The following KANSL1L variants were observed in gnomAD, a reference collection of about 807,000 sequenced individuals.
KANSL1L encodes the protein KAT8 regulatory NSL complex subunit 1-like protein.
In KANSL1L, 25 loss-of-function variants were observed where a neutral mutation model predicts 108.6. The ratio of observed to expected loss-of-function variants is 0.23; its 90% CI spans 0.17 to 0.32. The LOEUF is 0.32. Among genes scored for constraint, KANSL1L ranks in the 10% least tolerant of loss-of-function variants. The pLI is 1.00. For missense variants in KANSL1L, 1,137 were observed against 1,125.7 expected, an observed-to-expected ratio of 1.01 and a Z score of -0.14; for synonymous variants, 405 against 395.1, an observed-to-expected ratio of 1.03 and a Z score of -0.30.
rs181382757 is a variant in KANSL1L, at chr2:210,058,067, C to T, written c.1756-13963G>A. ...AACTCTGACTGCCAGTGAGCCAAGG[C>T]GGAACAGAGCCATATTTCTCTTCTT... On this transcript the variant is annotated intron_variant, in intron 6 of 14. Transcript: ENST00000281772. Among the ~76,000 whole-genome samples the T allele has an allele frequency of 5.4e-4, 82 of 152,298 alleles. 1 individual carries two copies. The East Asian group carries it at 0.013, about 24-fold the overall frequency.
At position 210,122,112 on chromosome 2, in the gene KANSL1L, C is replaced by T. The variant is rs189445524; in HGVS notation, c.1230+6919G>A. Among the ~76,000 whole-genome samples, 172 of 152,156 alleles carry T rather than the reference C, an allele frequency of 1.1e-3. 1 individual carries two copies. The highest frequency in any genetic ancestry group is 9.4e-4 in the Non-Finnish European group (64 of 67,970). Reference sequence around the variant, plus strand: ...TTGTTAAAATATCCATAGTACCCAACGAAATCTACAGATTCAATGCAATCT... The same window carrying T: ...TTGTTAAAATATCCATAGTACCCAATGAAATCTACAGATTCAATGCAATCT... On this transcript the variant is annotated intron_variant, in intron 3 of 14. Coordinates refer to ENST00000281772, the MANE Select transcript of KANSL1L (RefSeq NM_152519.4).
chr2:210,108,991 T>C (rs1008914904), intron 3 of KANSL1L, among the ~76,000 whole-genome samples: 4 of 152,150 alleles, frequency 2.6e-5, no homozygotes, highest in Admixed American at 1.3e-4. Context: ...AAAATGATCA[T>C]GTTGTTTCAC....
rs745728892 is a variant in KANSL1L, at chr2:210,040,322, ATTC to A, written c.2029+95_2029+97del. The A allele has an allele frequency of 1.2e-5, 8 of 680,316 alleles. No individual in the cohort carries two copies. In the African/African-American group the frequency reaches 1.3e-4, roughly 11 times the overall value. The allele number at this position is 680,316 out of a possible 1,614,324, so 42.1% of individuals were successfully genotyped here. A position where few individuals can be genotyped will look rare whatever the true frequency, so the allele number is the denominator to read the frequency against. On this transcript the variant is annotated intron_variant, in intron 8 of 14. Transcript: ENST00000281772. ...TATTAAAAATTAAGGATTTTCATGT[ATTC>A]TTTTCTTAGATTTTATTTTTCTTAG...
intron 6 of KANSL1L, among the ~76,000 whole-genome samples, chr2:210,046,887 A>G (rs1385335831): frequency 6.6e-6 from 1 of 152,178 alleles, no homozygotes; most frequent in Non-Finnish European, 1.5e-5. Context: ...ATCACAGCCT[A>G]AACTATATCA....
At chr2:210,140,678 T>C (rs2095219511) in intron 2 of KANSL1L, among the ~76,000 whole-genome samples, 1 of 152,196 alleles carries the variant, frequency 6.6e-6, no homozygotes, top group Admixed American at 6.5e-5. Flanking sequence ...TTTTTTCCCA[T>C]TTCTATGGAA....
intron 8 of KANSL1L, among the ~76,000 whole-genome samples, chr2:210,037,957 T>C (rs1422741307): frequency 6.6e-6 from 1 of 152,144 alleles, no homozygotes; most frequent in African/African-American, 2.4e-5. Context: ...TTGATTGATA[T>C]AACAATAAAT....
chr2:210,050,274 A>G (rs907225392), intron 6 of KANSL1L, among the ~76,000 whole-genome samples: 1 of 152,210 alleles, frequency 6.6e-6, no homozygotes, highest in Admixed American at 6.5e-5. Context: ...CATGGGAGAA[A>G]TAAAAAACAA....
intron 3 of KANSL1L, among the ~76,000 whole-genome samples, chr2:210,111,553 G>C (rs1431218306): frequency 4.6e-5 from 7 of 152,138 alleles, no homozygotes; most frequent in Admixed American, 4.6e-4. Context: ...CCTACATTAT[G>C]ATCATAGTGA....
rs775076515 is a variant in KANSL1L at position 210,027,325 on chromosome 2, A to G, written c.2422T>C (p.Leu808=). 11 of 1,612,644 alleles carry G rather than the reference A, an allele frequency of 6.8e-6. No homozygotes were observed. The highest frequency in any genetic ancestry group is 5.5e-5 in the South Asian group (5 of 91,052). ...TCTTTGCCTAAATTATATTCATCCAAAGGCTGAAGAACAACCATCCTCCAG... is the reference window on the plus strand; with the variant it reads ...TCTTTGCCTAAATTATATTCATCCAGAGGCTGAAGAACAACCATCCTCCAG... ...PSWRMVVLQP[L]DEYNLGKEEI... The change falls in exon 12 of 15, where the codon TTG becomes CTG. Residue 808 remains leucine, a synonymous_variant. Transcript: ENST00000281772.
upstream of KANSL1L, chr2:210,171,482 T>C (rs551765334): frequency 4.3e-3 from 657 of 154,232 alleles, 2 homozygotes; most frequent in Non-Finnish European, 5.6e-3. Context: ...ATGAAGCGGG[T>C]GGCGGGGAAA....
At chr2:210,134,916 C>A (rs935187740) in intron 2 of KANSL1L, among the ~76,000 whole-genome samples, 3 of 152,000 alleles carry the variant, frequency 2.0e-5, no homozygotes, top group African/African-American at 7.2e-5. Context: ...TACACTAACA[C>A]CCATGTTAGA....
chr2:210,125,528 G>A (rs184965649), intron 3 of KANSL1L, among the ~76,000 whole-genome samples: 5 of 152,242 alleles, frequency 3.3e-5, no homozygotes, highest in Admixed American at 3.3e-4. Context: ...ATAAACTACA[G>A]ATCAATATCC....
At chr2:210,133,938 C>A (rs2095150496) in intron 2 of KANSL1L, among the ~76,000 whole-genome samples, 1 of 152,004 alleles carries the variant, frequency 6.6e-6, no homozygotes, top group Non-Finnish European at 1.5e-5. Flanking sequence ...TGAAGATCAT[C>A]TTTTAAAATT....
intron 6 of KANSL1L, among the ~76,000 whole-genome samples, chr2:210,067,970 T>C (rs989253783): frequency 1.4e-3 from 220 of 152,068 alleles, no homozygotes; most frequent in African/African-American, 5.1e-3. Context: ...CTCCGCCTCC[T>C]GGGTTCAAGC....
intron 5 of KANSL1L, among the ~76,000 whole-genome samples, chr2:210,085,364 G>C (rs1386302582): frequency 6.6e-6 from 1 of 152,058 alleles, no homozygotes; most frequent in Non-Finnish European, 1.5e-5. Flanking sequence ...AGTAGATGGG[G>C]GAAAATACCA....
chr2:210,097,613 T>C (rs2094749954), intron 5 of KANSL1L, among the ~76,000 whole-genome samples: 1 of 152,188 alleles, frequency 6.6e-6, no homozygotes, highest in South Asian at 2.1e-4. Flanking sequence ...TTATTAATTA[T>C]AGTAAAAAAA....
intron 6 of KANSL1L, among the ~76,000 whole-genome samples, chr2:210,046,270 C>T (rs577225626): frequency 3.9e-5 from 6 of 152,230 alleles, no homozygotes; most frequent in South Asian, 4.1e-4. Context: ...AAATACATGT[C>T]CTTCTCACAT....
intron 3 of KANSL1L, among the ~76,000 whole-genome samples, chr2:210,109,745 T>C (rs2094886505): frequency 6.6e-6 from 1 of 152,166 alleles, no homozygotes; most frequent in Non-Finnish European, 1.5e-5. Context: ...CTGTTCTCTA[T>C]GGCTCCTGAA....
intron 6 of KANSL1L, among the ~76,000 whole-genome samples, chr2:210,056,104 T>A (rs1279339915): frequency 1.3e-5 from 2 of 152,242 alleles, no homozygotes; most frequent in Non-Finnish European, 1.5e-5. Context: ...GCTGCTTCAG[T>A]TCCAGCCATG....
Sources: gnomAD v4.1 joint callset for allele counts (sites outside exome capture counted in the v4.1 genomes callset) on GRCh38, gnomAD v4.1.1 for gene constraint, MANE v1.5 for transcripts, NCBI Gene and HGNC (gene_info 2026-07-23, HGNC 2026-07-21) for gene names.